SGCZ: variants seen among roughly 807,000 people sequenced by gnomAD.
SGCZ encodes the protein sarcoglycan zeta, also known as zeta-sarcoglycan.
SGCZ carries 40 observed loss-of-function variants against 41.3 expected under a neutral mutation model. The ratio of observed to expected loss-of-function variants is 0.97; its 90% CI spans 0.75 to 1.26. The LOEUF (loss-of-function observed/expected upper bound fraction) is 1.26. SGCZ is among the 50% of genes most tolerant of loss of function. The pLI is 0.00. For synonymous variants in SGCZ, 206 were observed against 137.5 expected, an observed-to-expected ratio of 1.50 and a Z score of -3.49; for missense variants, 552 against 369.8, an observed-to-expected ratio of 1.49 and a Z score of -4.04.
At chr8:14,947,800 G>A (rs1274668169) in intron 1 of SGCZ, among the ~76,000 whole-genome samples, 2 of 152,166 alleles carry the variant, frequency 1.3e-5, no homozygotes, top group Non-Finnish European at 2.9e-5. Context: ...AACTTTGACT[G>A]CAAGCACAGC....
At chr8:14,804,088 T>G (rs923261553) in intron 1 of SGCZ, among the ~76,000 whole-genome samples, 1 of 99,498 alleles carries the variant, frequency 1.0e-5, no homozygotes, top group African/African-American at 5.2e-5. Flanking sequence ...TACATCACCA[T>G]CATCAAAGAC....
chr8:14,652,263 C>T (rs1364787751), intron 1 of SGCZ, among the ~76,000 whole-genome samples: 3 of 132,444 alleles, frequency 2.3e-5, no homozygotes, highest in South Asian at 2.5e-4. Context: ...ATTGCTTGAA[C>T]CCGGGAGGTG....
At chr8:14,163,614 A>C (rs763822800) in intron 5 of SGCZ, among the ~76,000 whole-genome samples, 4 of 152,168 alleles carry the variant, frequency 2.6e-5, no homozygotes, top group Admixed American at 6.6e-5. Flanking sequence ...TGACCACTAA[A>C]GTTATTATCA....
intron 1 of SGCZ, among the ~76,000 whole-genome samples, chr8:14,891,652 A>G (rs1805023362): frequency 6.6e-6 from 1 of 152,210 alleles, no homozygotes; most frequent in Non-Finnish European, 1.5e-5. Context: ...TCTGGAGAGG[A>G]ATGACTCCAA....
intron 1 of SGCZ, among the ~76,000 whole-genome samples, chr8:14,769,503 C>A (rs1313124809): frequency 6.6e-6 from 1 of 152,134 alleles, no homozygotes. Context: ...TAAAACACTT[C>A]AATGGCAGCC....
chr8:15,009,572 T>A (rs1476751169), intron 1 of SGCZ, among the ~76,000 whole-genome samples: 1 of 152,206 alleles, frequency 6.6e-6, no homozygotes, highest in Non-Finnish European at 1.5e-5. Flanking sequence ...CAATGTCATA[T>A]AACAAGTGAG....
chr8:15,038,136 T>C, intron 1 of SGCZ, among the ~76,000 whole-genome samples: 1 of 151,932 alleles, frequency 6.6e-6, no homozygotes, highest in East Asian at 1.9e-4. Flanking sequence ...ACAAAAGACA[T>C]GGAATAACAA....
intron 1 of SGCZ, among the ~76,000 whole-genome samples, chr8:14,659,473 C>A (rs983841741): frequency 6.6e-6 from 1 of 152,090 alleles, no homozygotes; most frequent in Non-Finnish European, 1.5e-5. Context: ...ACAACACGAT[C>A]TGTAAAGTAT....
chr8:14,779,004 A>G (rs991374135), intron 1 of SGCZ, among the ~76,000 whole-genome samples: 9 of 152,344 alleles, frequency 5.9e-5, no homozygotes, highest in African/African-American at 2.2e-4. Context: ...TGCATATACA[A>G]GGAAATATGT....
intron 4 of SGCZ, among the ~76,000 whole-genome samples, chr8:14,189,850 C>G (rs1201239361): frequency 1.3e-5 from 2 of 152,282 alleles, no homozygotes; most frequent in East Asian, 3.9e-4. Context: ...TCTTGCTCAT[C>G]TCTGCATCTT....
chr8:14,836,997 G>T (rs749404394), intron 1 of SGCZ, among the ~76,000 whole-genome samples: 7 of 152,080 alleles, frequency 4.6e-5, no homozygotes, highest in African/African-American at 7.2e-5. Context: ...TATACTCAAA[G>T]AATTTATAGT....
In SGCZ at chr8:15,062,549, CA is replaced by C. The variant is rs528049992; in HGVS notation, c.39+175035del. ...TGAACATATCTGTATCCATTACGCA[CA>C]CACAGCTATTTCACTTACTTTGGGA... On this transcript the variant is annotated intron_variant, in intron 1 of 7. Transcript: ENST00000382080. 3.3e-5 allele frequency among the ~76,000 whole-genome samples: 5 copies of C among 152,220 alleles called. No individual in the cohort carries two copies. In the South Asian group the frequency reaches 6.2e-4, roughly 19 times the overall value.
chr8:14,650,474 G>T (rs1807361346), intron 1 of SGCZ, among the ~76,000 whole-genome samples: 1 of 144,758 alleles, frequency 6.9e-6, no homozygotes, highest in Admixed American at 7.2e-5. Context: ...CTGCCCAACG[G>T]TTATTTTTTT....
At chr8:15,184,622 G>C (rs1013122745) in intron 1 of SGCZ, among the ~76,000 whole-genome samples, 3 of 152,060 alleles carry the variant, frequency 2.0e-5, no homozygotes, top group Non-Finnish European at 4.4e-5. Flanking sequence ...GGAGTCCCCA[G>C]CAGGAAACTG....
intron 7 of SGCZ, among the ~76,000 whole-genome samples, chr8:14,100,849 C>T (rs566531092): frequency 9.2e-5 from 14 of 151,908 alleles, no homozygotes; most frequent in African/African-American, 3.4e-4. Flanking sequence ...TACTCCAGAA[C>T]ATGCCTCTCA....
intron 5 of SGCZ, among the ~76,000 whole-genome samples, chr8:14,115,164 G>A (rs1445123469): frequency 1.3e-5 from 2 of 151,916 alleles, no homozygotes; most frequent in Non-Finnish European, 2.9e-5. Flanking sequence ...GATTACTGAG[G>A]TTGTTGTTTT....
chr8:14,896,352 C>T (rs865903919), intron 1 of SGCZ, among the ~76,000 whole-genome samples: 8 of 152,144 alleles, frequency 5.3e-5, no homozygotes, highest in Admixed American at 3.3e-4. Flanking sequence ...AAACATAATG[C>T]CTAATGGCAC....
At chr8:14,964,414 C>T (rs1195610237) in intron 1 of SGCZ, among the ~76,000 whole-genome samples, 3 of 152,162 alleles carry the variant, frequency 2.0e-5, no homozygotes, top group Non-Finnish European at 2.9e-5. Context: ...CAGGAAGATG[C>T]CCTGCCTAGG....
At chr8:14,746,714 C>T (rs895822117) in intron 1 of SGCZ, among the ~76,000 whole-genome samples, 1 of 152,124 alleles carries the variant, frequency 6.6e-6, no homozygotes, top group African/African-American at 2.4e-5. Context: ...ATGGTGACTC[C>T]TAAGTCTCTA....
Sources: gnomAD v4.1 joint callset for allele counts (sites outside exome capture counted in the v4.1 genomes callset) on GRCh38, gnomAD v4.1.1 for gene constraint, MANE v1.5 for transcripts, NCBI Gene and HGNC (gene_info 2026-07-23, HGNC 2026-07-21) for gene names.